Variants in CHN1 observed in about 807,000 individuals in gnomAD.
CHN1 encodes the protein N-chimaerin.
A neutral mutation model predicts 59.5 loss-of-function variants in CHN1; 37 were observed. The ratio of observed to expected loss-of-function variants is 0.62; its 90% CI spans 0.48 to 0.82. The LOEUF (loss-of-function observed/expected upper bound fraction) is 0.82. Among genes scored for constraint, CHN1 ranks in the 40% least tolerant of loss-of-function variants. The pLI, the probability that CHN1 is intolerant of heterozygous loss-of-function variation, is 0.00. For synonymous variants in CHN1, 206 were observed against 200.4 expected (o/e 1.03, Z -0.24); for missense variants, 469 against 571.0 (o/e 0.82, Z 1.82).
intron 5 of CHN1, among the ~76,000 whole-genome samples, chr2:174,892,561 G>A (rs1688086141): frequency 6.6e-6 from 1 of 152,130 alleles, no homozygotes; most frequent in African/African-American, 2.4e-5. Context: ...GCTGTATTTT[G>A]TTACAGCAGC....
At chr2:174,816,109 G>C (rs1685248051) in intron 8 of CHN1, among the ~76,000 whole-genome samples, 1 of 149,248 alleles carries the variant, frequency 6.7e-6, no homozygotes, top group Non-Finnish European at 1.5e-5. Context: ...CTGTAGGATG[G>C]GCATAGATGA....
At chr2:174,828,950 A>G (rs1685782310) in intron 7 of CHN1, among the ~76,000 whole-genome samples, 1 of 152,220 alleles carries the variant, frequency 6.6e-6, no homozygotes, top group Non-Finnish European at 1.5e-5. Context: ...ATTATTAGCG[A>G]AGTCAAAAAT....
At chr2:174,896,840 G>A (rs1457741946) in intron 5 of CHN1, among the ~76,000 whole-genome samples, 1 of 152,130 alleles carries the variant, frequency 6.6e-6, no homozygotes, top group Non-Finnish European at 1.5e-5. Flanking sequence ...CTCAAAATTT[G>A]TATTTGTTGG....
intron 1 of CHN1, among the ~76,000 whole-genome samples, chr2:174,969,581 A>C (rs1314069799): frequency 6.6e-6 from 1 of 152,110 alleles, no homozygotes; most frequent in Non-Finnish European, 1.5e-5. Flanking sequence ...TCGGTCTAGA[A>C]TCTTCCTGCC....
At chr2:174,846,322 A>G (rs1462672100) in intron 7 of CHN1, 1 of 1,549,212 alleles carries the variant, frequency 6.5e-7, no homozygotes, top group East Asian at 2.4e-5. Context: ...TACATGGTGA[A>G]AGCAAATACT....
intron 1 of CHN1, among the ~76,000 whole-genome samples, chr2:174,960,901 A>G (rs1231422011): frequency 6.6e-6 from 1 of 151,842 alleles, no homozygotes; most frequent in South Asian, 2.1e-4. Flanking sequence ...CTGAGGCAGG[A>G]GGATCACTTG....
chr2:174,946,229 T>G (rs186697312), intron 2 of CHN1, among the ~76,000 whole-genome samples: 28 of 152,302 alleles, frequency 1.8e-4, no homozygotes, highest in African/African-American at 6.5e-4. Flanking sequence ...AAATAGTCCC[T>G]AGCACACAGT....
At chr2:174,953,915 T>C (rs922671360) in intron 1 of CHN1, among the ~76,000 whole-genome samples, 1 of 152,056 alleles carries the variant, frequency 6.6e-6, no homozygotes, top group Non-Finnish European at 1.5e-5. Context: ...ATACCACCAT[T>C]ATTCTTCACA....
intron 3 of CHN1, among the ~76,000 whole-genome samples, chr2:174,931,015 G>A (rs550944786): frequency 2.6e-5 from 4 of 151,948 alleles, no homozygotes; most frequent in South Asian, 2.1e-4. Flanking sequence ...TGATCTGCCC[G>A]CCTCGGCCTC....
chr2:174,800,280 G>C lies in CHN1; in HGVS notation c.1216C>G (p.Leu406Val), dbSNP rs375782530. Residue 406 changes from leucine (L) to valine (V), a missense_variant, in exon 13 of 13, where the codon CTC becomes GTC. Leu to Val is a conservative substitution (Grantham distance 32, BLOSUM62 1). This residue lies in a region of CHN1 where 225 missense variants were observed against 289.9 expected (regional missense o/e 0.78). Transcript: ENST00000409900. ...TTCATAAGATTCTCCTTTTCGTGGA[G>C]GGTCACTCTGAAAAATGCAAGTACA... ...YLMAHLKRVT[L>V]HEKENLMNAE... 1 of 1,430,270 alleles carries C rather than the reference G, an allele frequency of 7.0e-7. No homozygotes were observed. The highest frequency in any genetic ancestry group is 9.2e-7 in the Non-Finnish European group (1 of 1,089,596). The allele number at this position is 1,430,270 out of a possible 1,614,324, so 88.6% of individuals were successfully genotyped here.
intron 8 of CHN1, among the ~76,000 whole-genome samples, chr2:174,812,778 AAT>A: frequency 6.6e-6 from 1 of 152,324 alleles, no homozygotes; most frequent in South Asian, 2.1e-4. Flanking sequence ...ATGTCCACAA[AAT>A]ATGTCAAATA....
At chr2:174,807,566 C>T (rs776791561) in intron 11 of CHN1, among the ~76,000 whole-genome samples, 1 of 149,164 alleles carries the variant, frequency 6.7e-6, no homozygotes, top group African/African-American at 2.5e-5. Flanking sequence ...ATGTCTGCCC[C>T]ATGAGACAAG....
intron 7 of CHN1, among the ~76,000 whole-genome samples, chr2:174,840,069 G>T (rs745487470): frequency 5.3e-5 from 8 of 150,838 alleles, no homozygotes; most frequent in Non-Finnish European, 8.8e-5. Flanking sequence ...ATTTGTATAT[G>T]AAATATTGAA....
chr2:174,861,029 TA>T (rs1451270661), intron 6 of CHN1, among the ~76,000 whole-genome samples: 1 of 152,152 alleles, frequency 6.6e-6, no homozygotes, highest in Middle Eastern at 3.2e-3. Flanking sequence ...ATAAAGCATT[TA>T]AAAAATTAAA....
At chr2:174,835,415 A>T (rs1449441485) in intron 7 of CHN1, among the ~76,000 whole-genome samples, 2 of 151,954 alleles carry the variant, frequency 1.3e-5, no homozygotes, top group Non-Finnish European at 2.9e-5. Flanking sequence ...GCATTTTTGG[A>T]TCTGTGACTT....
At chr2:174,955,359 C>G (rs896599114) in intron 1 of CHN1, among the ~76,000 whole-genome samples, 1 of 151,636 alleles carries the variant, frequency 6.6e-6, no homozygotes, top group Non-Finnish European at 1.5e-5. Context: ...AATTGGAGAC[C>G]ATTATTTTAA....
rs550133155 is a variant in CHN1, at chr2:174,952,794, C to T, written c.20-592G>A. On this transcript the variant is annotated intron_variant, in intron 1 of 12. Coordinates refer to ENST00000409900, the MANE Select transcript of CHN1 (RefSeq NM_001822.7). ...AGAGAGTGTATCTAGGGAACCACAA[C>T]GAACATGAGGTGAACATCTGCTCTT... 1.8e-4 allele frequency among the ~76,000 whole-genome samples: 27 copies of T among 152,254 alleles called. No individual in the cohort carries two copies. In the East Asian group the frequency reaches 3.9e-3, roughly 22 times the overall value.
intron 1 of CHN1, among the ~76,000 whole-genome samples, chr2:174,962,768 G>T (rs1690456492): frequency 6.7e-6 from 1 of 149,744 alleles, no homozygotes; most frequent in African/African-American, 2.5e-5. Context: ...AAATTAGCCG[G>T]GCATGATGGC....
At chr2:174,808,778 C>T in intron 11 of CHN1, 127 bp downstream of exon 11, 3 of 966,186 alleles carry the variant, frequency 3.1e-6, no homozygotes, top group East Asian at 4.8e-5. Flanking sequence ...CTTGTAAGTA[C>T]ATTAACCATA....
Sources: allele counts gnomAD v4.1 joint callset (sites outside exome capture counted in the v4.1 genomes callset), GRCh38; gene constraint gnomAD v4.1.1; regional missense constraint gnomAD v4.1.1; transcripts MANE v1.5; gene names NCBI Gene and HGNC (gene_info 2026-07-23, HGNC 2026-07-21).